The following BCAS3 variants were observed in gnomAD, a reference collection of about 807,000 sequenced individuals.
The protein encoded by BCAS3 is BCAS3 microtubule associated cell migration factor.
In BCAS3, 53 loss-of-function variants were observed where a neutral mutation model predicts 116.1. The ratio of observed to expected loss-of-function variants is 0.46; its 90% CI spans 0.37 to 0.57. The LOEUF (loss-of-function observed/expected upper bound fraction) is 0.57, where lower values mean the gene tolerates loss of function less well. BCAS3 is among the 20% of genes least tolerant of loss of function. BCAS3 has a pLI of 0.00. For missense variants in BCAS3, 917 were observed against 1,165.4 expected (o/e 0.79, Z 3.10); for synonymous variants, 391 against 408.2 (o/e 0.96, Z 0.51).
intron 14 of BCAS3, among the ~76,000 whole-genome samples, chr17:60,983,474 T>G (rs1386005951): frequency 6.6e-6 from 1 of 152,186 alleles, no homozygotes; most frequent in East Asian, 1.9e-4. Context: ...TCCCTACTTA[T>G]TTTGACAGCT....
chr17:61,330,103 A>G (rs2056139330), intron 22 of BCAS3, among the ~76,000 whole-genome samples: 1 of 152,212 alleles, frequency 6.6e-6, no homozygotes, highest in Non-Finnish European at 1.5e-5. Context: ...AAAGCCTTCA[A>G]TTCACTGAAG....
chr17:61,385,560 C>G (rs1470641005), intron 23 of BCAS3, among the ~76,000 whole-genome samples: 2 of 152,254 alleles, frequency 1.3e-5, no homozygotes, highest in African/African-American at 4.8e-5. Context: ...TACCTCACTG[C>G]CCATTCAGGA....
chr17:60,960,953 G>T lies in BCAS3; in HGVS notation c.1221+13601G>T, dbSNP rs2061384143. Among the ~76,000 whole-genome samples the T allele has an allele frequency of 6.6e-6, 1 of 151,716 alleles. No individual in the cohort carries two copies. Among genetic ancestry groups the T allele is most frequent in the South Asian group, 2.1e-4 (1 of 4,798 alleles). On this transcript the variant is annotated intron_variant, in intron 14 of 23. Coordinates refer to ENST00000407086, the MANE Select transcript of BCAS3 (RefSeq NM_017679.5). This position sits in a 1 kb window ranked among gnomAD's most constrained non-coding sequence, Gnocchi z 4.1. ...TCTTGCATTTGTCTCTCTATTCCTG[G>T]CTTCTGCTGATTGAGTGGATCCATG...
At chr17:61,072,476 C>T (rs1056271537) in intron 19 of BCAS3, among the ~76,000 whole-genome samples, 7 of 151,928 alleles carry the variant, frequency 4.6e-5, no homozygotes, top group African/African-American at 9.7e-5. Flanking sequence ...GTACAGAATC[C>T]AAAACTCCAA....
intron 6 of BCAS3, among the ~76,000 whole-genome samples, chr17:60,767,217 T>G (rs986548148): frequency 1.3e-5 from 2 of 151,934 alleles, no homozygotes; most frequent in Non-Finnish European, 2.9e-5. Context: ...GTCTGACCAG[T>G]CCCAACCAGA....
At chr17:60,819,974 A>T (rs2049786399) in intron 7 of BCAS3, among the ~76,000 whole-genome samples, 1 of 152,042 alleles carries the variant, frequency 6.6e-6, no homozygotes, top group Non-Finnish European at 1.5e-5. Context: ...TAAAGCCTGC[A>T]GAGAAAGCGA....
chr17:61,331,431 C>G (rs940759232), intron 22 of BCAS3, among the ~76,000 whole-genome samples: 1 of 152,076 alleles, frequency 6.6e-6, no homozygotes, highest in African/African-American at 2.4e-5. Flanking sequence ...ATGCCCCTGT[C>G]GCTTTATTTG....
At chr17:60,787,744 T>G (rs1015388831) in intron 6 of BCAS3, among the ~76,000 whole-genome samples, 7 of 152,054 alleles carry the variant, frequency 4.6e-5, no homozygotes, top group Admixed American at 4.6e-4. Flanking sequence ...TGCAGATCAC[T>G]AGGAGAAACT....
At chr17:61,025,595 C>CA (rs1341515880) in intron 16 of BCAS3, among the ~76,000 whole-genome samples, 4 of 152,064 alleles carry the variant, frequency 2.6e-5, no homozygotes, top group Admixed American at 1.3e-4. Context: ...GGTTCACAGT[C>CA]AAAAAAGTTT....
At chr17:61,252,185 C>T (rs1038242234) in intron 22 of BCAS3, among the ~76,000 whole-genome samples, 1 of 152,140 alleles carries the variant, frequency 6.6e-6, no homozygotes, top group African/African-American at 2.4e-5. Flanking sequence ...GTTTAGAGTT[C>T]AGTTTCTGAT....
intron 7 of BCAS3, among the ~76,000 whole-genome samples, chr17:60,835,514 C>G (rs971303435): frequency 5.9e-5 from 9 of 151,978 alleles, no homozygotes; most frequent in Non-Finnish European, 1.0e-4. Flanking sequence ...TTTTAGCAAC[C>G]AAAATCTTTG....
Position 61,214,472 on chromosome 17 carries a change from C to T in BCAS3, c.2425+129908C>T, listed in dbSNP as rs2081654859. On this transcript the variant is annotated intron_variant, in intron 22 of 23. Transcript: ENST00000407086. This position sits in a 1 kb window ranked among gnomAD's most constrained non-coding sequence, Gnocchi z 4.4. ...GGCCGAGGCAGGTGGATCACAAGGT[C>T]AGGAGATGGAGATCATCCTGGCTAA... Among the ~76,000 whole-genome samples, 1 of 151,892 alleles carries T rather than the reference C, an allele frequency of 6.6e-6. No homozygotes were observed. The highest frequency in any genetic ancestry group is 2.1e-4 in the South Asian group (1 of 4,822).
In BCAS3 at chr17:61,233,466, A is replaced by G. The variant is rs375988124; in HGVS notation, c.2426-134861A>G. Among the ~76,000 whole-genome samples the G allele has an allele frequency of 3.9e-5, 6 of 152,366 alleles. No homozygotes were observed. In the South Asian group the frequency reaches 6.2e-4, roughly 16 times the overall value. ...GTTAATTTGAGTTATTGTGCTAAAT[A>G]TTTCTAAGAAATGCTTCTTTTTAAG... On this transcript the variant is annotated intron_variant, in intron 22 of 23. Transcript: ENST00000407086. This position sits in a 1 kb window ranked among gnomAD's most constrained non-coding sequence, Gnocchi z 4.3.
intron 22 of BCAS3, among the ~76,000 whole-genome samples, chr17:61,116,666 G>A (rs1017525817): frequency 6.6e-6 from 1 of 152,108 alleles, no homozygotes; most frequent in Non-Finnish European, 1.5e-5. Context: ...CATTCTTTTA[G>A]AGTAAGTCCA....
At chr17:60,904,765 C>T (rs764911011) in intron 11 of BCAS3, among the ~76,000 whole-genome samples, 6 of 152,084 alleles carry the variant, frequency 3.9e-5, no homozygotes, top group Admixed American at 1.3e-4. Flanking sequence ...CATTGGAGGC[C>T]GAGGCTACAG....
intron 8 of BCAS3, among the ~76,000 whole-genome samples, chr17:60,873,604 G>A (rs1393722362): frequency 6.6e-6 from 1 of 152,088 alleles, no homozygotes; most frequent in Non-Finnish European, 1.5e-5. Flanking sequence ...CTTTAAAAAA[G>A]TGTTTATAAC....
chr17:60,890,507 C>A (rs915963024), intron 10 of BCAS3, among the ~76,000 whole-genome samples: 2 of 151,788 alleles, frequency 1.3e-5, no homozygotes, highest in Non-Finnish European at 2.9e-5. Flanking sequence ...ATGCTAACAA[C>A]TATATCTAAA....
intron 5 of BCAS3, among the ~76,000 whole-genome samples, chr17:60,721,782 A>G (rs115504062): frequency 0.031 from 4,704 of 152,206 alleles, 230 homozygotes; most frequent in African/African-American, 0.1. Context: ...CCTTCTAACC[A>G]TCATCCTGGA....
intron 15 of BCAS3, chr17:61,003,910 T>C (rs2064459351): frequency 6.6e-6 from 1 of 152,174 alleles, no homozygotes; most frequent in South Asian, 2.1e-4. Context: ...CATTTTATTA[T>C]CATACCTCAA....
Sources: gnomAD v4.1 joint callset for allele counts (sites outside exome capture counted in the v4.1 genomes callset) on GRCh38, gnomAD v4.1.1 for gene constraint, Gnocchi (gnomAD v3.1) non-coding constraint, MANE v1.5 for transcripts, NCBI Gene and HGNC (gene_info 2026-07-23, HGNC 2026-07-21) for gene names.